The following ZNF517 variants were observed in gnomAD, a reference collection of about 807,000 sequenced individuals.
ZNF517 encodes zinc finger protein 517.
In ZNF517, 12 loss-of-function variants were observed where a neutral mutation model predicts 12.1. That is an observed-to-expected ratio of 0.99 (90% CI 0.63 to 1.61). The LOEUF is 1.61. ZNF517 is among the 40% of genes most tolerant of loss of function. ZNF517 has a pLI of 0.00. For missense variants in ZNF517, 781 were observed against 693.2 expected, an observed-to-expected ratio of 1.13 and a Z score of -1.42; for synonymous variants, 388 against 310.2, an observed-to-expected ratio of 1.25 and a Z score of -2.63.
chr8:144,808,216 C>A lies in ZNF517; in HGVS notation c.1300C>A (p.Arg434Ser). 6.2e-7 allele frequency: 1 copy of A among 1,606,512 alleles called. No individual in the cohort carries two copies. The highest frequency in any genetic ancestry group is 1.1e-5 in the South Asian group (1 of 90,224). The change falls in exon 5 of 5, where the codon CGC becomes AGC. Residue 434 changes from arginine to serine, a missense_variant. Transcript: ENST00000359971. Reference protein sequence around the residue: ...FACTECGKAFRRSYTLNEHYR... With the variant: ...FACTECGKAFSRSYTLNEHYR... ...GTGCACCGAGTGCGGCAAGGCGTTCCGCAGGAGCTACACGCTGAACGAGCA... is the reference window on the plus strand; with the variant it reads ...GTGCACCGAGTGCGGCAAGGCGTTCAGCAGGAGCTACACGCTGAACGAGCA...
chr8:144,802,786 C>T (rs1268020472), intron 1 of ZNF517, 84 bp from the exon 2 acceptor site: 5 of 1,575,574 alleles, frequency 3.2e-6, no homozygotes, highest in Non-Finnish European at 4.3e-6. Context: ...TCTCCTGCTC[C>T]CTTCTGGATC....
chr8:144,803,197 T>C, intron 2 of ZNF517: 1 of 556,950 alleles, frequency 1.8e-6, no homozygotes, highest in Non-Finnish European at 3.2e-6. Flanking sequence ...TGGTCAGCCA[T>C]TGAGGGCAGG....
At position 144,807,543 on chromosome 8, in the gene ZNF517, G is replaced by GTT. The variant is rs1028371259; in HGVS notation, c.628_629insTT (p.Cys210PhefsTer17). On this transcript the variant is annotated frameshift_variant, in exon 5 of 5. Transcript: ENST00000359971. LOFTEE classifies it low-confidence loss of function (END_TRUNC). Reference sequence around the variant, plus strand: ...GCGCCAAGCCCTTCCAGTGCACAGAGTGCGGGAAGGCCTTCAAGCAAAGCT... The same window carrying GTT: ...GCGCCAAGCCCTTCCAGTGCACAGAGTTTGCGGGAAGGCCTTCAAGCAAAGCT... 6.9e-6 allele frequency: 11 copies of GTT among 1,597,640 alleles called. No individual in the cohort carries two copies. The highest frequency in any genetic ancestry group is 9.4e-6 in the Non-Finnish European group (11 of 1,172,534).
chr8:144,802,747 G>A (rs761345722), intron 1 of ZNF517, 123 bp from the exon 2 acceptor site: 7 of 1,428,642 alleles, frequency 4.9e-6, no homozygotes, highest in South Asian at 1.5e-5. Flanking sequence ...GAAGGAGGCG[G>A]CTGATGTGAT....
chr8:144,808,246 CG>C lies in ZNF517; in HGVS notation c.1332del (p.Leu445SerfsTer69). The part of the protein sequence containing the change: ...RRSYTLNEHY[R>X]LHSGERPYRC... Reference sequence around the variant, plus strand: ...GAGCTACACGCTGAACGAGCACTACCGGCTCCACAGCGGCGAGAGGCCATAC... The same window carrying C: ...GAGCTACACGCTGAACGAGCACTACCGCTCCACAGCGGCGAGAGGCCATAC... On this transcript the variant is annotated frameshift_variant, in exon 5 of 5. Transcript: ENST00000359971. LOFTEE classifies it low-confidence loss of function (END_TRUNC). 4 of 1,598,738 alleles carry C rather than the reference CG, an allele frequency of 2.5e-6. No homozygotes were observed. The highest frequency in any genetic ancestry group is 3.4e-6 in the Non-Finnish European group (4 of 1,171,934).
At position 144,809,681 on chromosome 8, in the gene ZNF517, C is replaced by G. The variant is rs1292625479; in HGVS notation, c.*1286C>G. The G allele has an allele frequency of 1.3e-5, 2 of 152,956 alleles. No individual in the cohort carries two copies. The highest frequency in any genetic ancestry group is 4.8e-5 in the African/African-American group (2 of 41,474). The allele number at this position is 152,956 out of a possible 1,614,324, so 9.5% of individuals were successfully genotyped here. A position where few individuals can be genotyped will look rare whatever the true frequency, so the allele number is the denominator to read the frequency against. ...GGACTGAGCCTCACTTACAGCTTCT[C>G]TAGGTCTCCAGCTTGCAGACAGCCT... On this transcript the variant is annotated 3_prime_UTR_variant, in exon 5 of 5. Transcript: ENST00000359971.
chr8:144,807,375 T>TCGGGAG lies in ZNF517; in HGVS notation c.461_466dup (p.Arg154_Glu155dup). Reference sequence around the variant, plus strand: ...CAGATAAACCCACCCACCCCCGGGCTCGGGAGCACAGCGCCTCCCCAAGGG... The same window carrying TCGGGAG: ...CAGATAAACCCACCCACCCCCGGGCTCGGGAGCGGGAGCACAGCGCCTCCCCAAGGG... On this transcript the variant is annotated inframe_insertion, in exon 5 of 5. Transcript: ENST00000359971. The TCGGGAG allele has an allele frequency of 6.4e-7, 1 of 1,556,382 alleles. No individual in the cohort carries two copies. The highest frequency in any genetic ancestry group is 1.2e-5 in the South Asian group (1 of 85,288).
chr8:144,807,977 T>G lies in ZNF517; in HGVS notation c.1061T>G (p.Leu354Arg). Reference sequence around the variant, plus strand: ...GACGGCGGCGTGGGGCAGGGCGCCCTGCTCGGAGCTGCGCAGAGGCCCCAG... The same window carrying G: ...GACGGCGGCGTGGGGCAGGGCGCCCGGCTCGGAGCTGCGCAGAGGCCCCAG... ...AQDGGVGQGALLGAAQRPQAG... is the reference protein window; with the variant it reads ...AQDGGVGQGARLGAAQRPQAG... Residue 354 changes from leucine to arginine, a missense_variant, in exon 5 of 5, where the codon CTG (leucine) becomes CGG (arginine). Coordinates refer to ENST00000359971, the MANE Select transcript of ZNF517 (RefSeq NM_213605.3). 3.3e-6 allele frequency: 5 copies of G among 1,515,636 alleles called. No homozygotes were observed. Among genetic ancestry groups the G allele is most frequent in the Non-Finnish European group, 4.4e-6 (5 of 1,132,092 alleles). 93.9% of individuals were successfully genotyped at this position (1,515,636 alleles called of 1,614,324 possible).
In ZNF517 at chr8:144,807,930, G is replaced by A. The variant is rs749915151; in HGVS notation, c.1014G>A (p.Leu338=). 9 of 1,510,918 alleles carry A rather than the reference G, an allele frequency of 6.0e-6. No homozygotes were observed. The African/African-American group carries it at 1.2e-4, about 21-fold the overall frequency. 93.6% of individuals were successfully genotyped at this position (1,510,918 alleles called of 1,614,324 possible). ...RGSSLLKHHR[L]HAQEGAQDGG... The stretch of plus-strand genomic sequence containing the variant: ...CCTCGCTCCTGAAGCACCACCGGCT[G>A]CACGCGCAGGAGGGTGCCCAGGACG... Residue 338 remains leucine, a synonymous_variant, in exon 5 of 5, where the codon CTG becomes CTA. Coordinates refer to ENST00000359971, the MANE Select transcript of ZNF517 (RefSeq NM_213605.3).
chr8:144,800,972 G>C (rs1279825673), intron 1 of ZNF517, among the ~76,000 whole-genome samples: 4 of 152,106 alleles, frequency 2.6e-5, no homozygotes, highest in African/African-American at 9.7e-5. Flanking sequence ...TGGGATTACA[G>C]GTGCGTACCA....
Position 144,807,177 on chromosome 8 carries a change from G to C in ZNF517, c.275-14G>C, listed in dbSNP as rs777825066. 6.6e-6 allele frequency: 10 copies of C among 1,515,446 alleles called. No individual in the cohort carries two copies. The South Asian group carries it at 1.3e-4, about 20-fold the overall frequency. The allele number at this position is 1,515,446 out of a possible 1,614,324, so 93.9% of individuals were successfully genotyped here. The stretch of plus-strand genomic sequence containing the variant: ...AGGCTGGATCATCCTTCCGTTTTCT[G>C]TTCCTTCTCTCAGATTCCAGGATGG... On this transcript the variant is annotated splice_polypyrimidine_tract_variant and intron_variant, in intron 4 of 4. Coordinates refer to ENST00000359971, the MANE Select transcript of ZNF517 (RefSeq NM_213605.3).
rs967271194 is a variant in ZNF517, at chr8:144,808,236, C to T, written c.1320C>T (p.Asn440=). 1 of 1,601,288 alleles carries T rather than the reference C, an allele frequency of 6.2e-7. No individual in the cohort carries two copies. Among genetic ancestry groups the T allele is most frequent in the African/African-American group, 1.3e-5 (1 of 74,760 alleles). The change falls in exon 5 of 5, where the codon AAC becomes AAT. Residue 440 remains asparagine, a synonymous_variant. Transcript: ENST00000359971. Reference sequence around the variant, plus strand: ...CGTTCCGCAGGAGCTACACGCTGAACGAGCACTACCGGCTCCACAGCGGCG... The same window carrying T: ...CGTTCCGCAGGAGCTACACGCTGAATGAGCACTACCGGCTCCACAGCGGCG... The part of the protein sequence containing the change: ...GKAFRRSYTL[N]EHYRLHSGER...
rs200455534 is a variant in ZNF517, at chr8:144,807,535, T to A, written c.619T>A (p.Cys207Ser). ...CCACACCGGCGCCAAGCCCTTCCAG[T>A]GCACAGAGTGCGGGAAGGCCTTCAA... The part of the protein sequence containing the change: ...IIHTGAKPFQ[C>S]TECGKAFKQS... Residue 207 changes from cysteine to serine, a missense_variant, in exon 5 of 5, where the codon TGC (cysteine) becomes AGC (serine). Cys to Ser is a moderately radical substitution (Grantham distance 112). Transcript: ENST00000359971. 16 of 1,596,350 alleles carry A rather than the reference T, an allele frequency of 1.0e-5. No homozygotes were observed. Among genetic ancestry groups the A allele is most frequent in the Non-Finnish European group, 8.5e-7 (1 of 1,171,870 alleles).
intron 1 of ZNF517, among the ~76,000 whole-genome samples, chr8:144,802,414 G>A (rs1339798663): frequency 6.6e-6 from 1 of 152,190 alleles, no homozygotes; most frequent in African/African-American, 2.4e-5. Context: ...AACCAGTCAC[G>A]CTTTGTTCAT....
At chr8:144,803,538 G>T in intron 2 of ZNF517, 103 bp from the exon 3 acceptor site, 1 of 1,494,982 alleles carries the variant, frequency 6.7e-7, no homozygotes, top group Non-Finnish European at 9.1e-7. Context: ...TGCAGCAGTG[G>T]GCAGCAAGGA....
Position 144,808,603 on chromosome 8 carries a change from C to G in ZNF517, c.*208C>G. 1.7e-6 allele frequency: 1 copy of G among 590,462 alleles called. No individual in the cohort carries two copies. The highest frequency in any genetic ancestry group is 5.3e-5 in the South Asian group (1 of 18,740). 36.6% of individuals were successfully genotyped at this position (590,462 alleles called of 1,614,324 possible). A position where few individuals can be genotyped will look rare whatever the true frequency, so the allele number is the denominator to read the frequency against. On this transcript the variant is annotated 3_prime_UTR_variant, in exon 5 of 5. Coordinates refer to ENST00000359971, the MANE Select transcript of ZNF517 (RefSeq NM_213605.3). ...GCCCGTGGTGTGGCCTCAGGAACCA[C>G]TATCAGCCACCATTTCCTGGGGCCT...
At chr8:144,801,236 C>T (rs1274297523) in intron 1 of ZNF517, among the ~76,000 whole-genome samples, 2 of 152,192 alleles carry the variant, frequency 1.3e-5, no homozygotes, top group African/African-American at 4.8e-5. Context: ...GCCCCGGAGA[C>T]CTTCACCCAA....
intron 1 of ZNF517, chr8:144,800,511 T>G: frequency 3.0e-6 from 3 of 985,090 alleles, no homozygotes; most frequent in Non-Finnish European, 3.6e-6. Context: ...TGTTGAGGGG[T>G]CGGGGATCAA....
At chr8:144,799,276 T>C (rs959317544) in intron 1 of ZNF517, among the ~76,000 whole-genome samples, 4 of 152,100 alleles carry the variant, frequency 2.6e-5, no homozygotes, top group African/African-American at 9.7e-5. Flanking sequence ...CTCGCTTCCG[T>C]CCGATGGCGG....
Sources: allele counts gnomAD v4.1 joint callset (sites outside exome capture counted in the v4.1 genomes callset), GRCh38; gene constraint gnomAD v4.1.1; transcripts MANE v1.5; gene names NCBI Gene and HGNC (gene_info 2026-07-23, HGNC 2026-07-21).